PTCHD4: variants seen among roughly 807,000 people sequenced by gnomAD.
PTCHD4 encodes the protein patched domain-containing protein 4.
In PTCHD4, 33 loss-of-function variants were observed where a neutral mutation model predicts 58.1. The ratio of observed to expected loss-of-function variants is 0.57; its 90% CI spans 0.43 to 0.76. The LOEUF (loss-of-function observed/expected upper bound fraction) is 0.76. Among genes scored for constraint, PTCHD4 ranks in the 30% least tolerant of loss-of-function variants. The probability of loss-of-function intolerance (pLI) is 0.00; values close to 1 mark genes in which losing one functional copy is unlikely to be tolerated. For missense variants in PTCHD4, 1,058 were observed against 1,027.1 expected, an observed-to-expected ratio of 1.03 and a Z score of -0.41; for synonymous variants, 478 against 409.6, an observed-to-expected ratio of 1.17 and a Z score of -2.02.
intron 4 of PTCHD4, among the ~76,000 whole-genome samples, chr6:47,941,939 T>C (rs757888912): frequency 1.3e-5 from 2 of 152,226 alleles, no homozygotes; most frequent in Non-Finnish European, 2.9e-5. Flanking sequence ...GCTTCAAGCA[T>C]TACTAGAATG....
intron 4 of PTCHD4, among the ~76,000 whole-genome samples, chr6:47,980,958 C>T (rs903662085): frequency 2.0e-5 from 3 of 151,864 alleles, no homozygotes; most frequent in African/African-American, 7.3e-5. Flanking sequence ...ATGTTTACTC[C>T]ATTGGAGTTT....
chr6:47,861,039 A>T lies in PTCHD4; in HGVS notation c.*17264T>A, dbSNP rs2114057547. Among the ~76,000 whole-genome samples, 1 of 152,060 alleles carries T rather than the reference A, an allele frequency of 6.6e-6. No homozygotes were observed. The highest frequency in any genetic ancestry group is 2.1e-4 in the South Asian group (1 of 4,822). ...CCTCTCTAATCATTATTTTAGTGGA[A>T]CATTTCAATCGCAGTCTAATTATTG... On this transcript the variant is annotated 3_prime_UTR_variant, in exon 5 of 5. Coordinates refer to ENST00000339488, the MANE Select transcript of PTCHD4 (RefSeq NM_001384253.1).
At chr6:47,959,178 A>G (rs113462221) in intron 4 of PTCHD4, among the ~76,000 whole-genome samples, 20 of 152,348 alleles carry the variant, frequency 1.3e-4, no homozygotes, top group African/African-American at 4.6e-4. Context: ...TAAGGACATT[A>G]ACCAGTTATT....
rs933887754 is a variant in PTCHD4, at chr6:47,859,813, TGAGG to T, written c.*18486_*18489del. ...TATTTAAGAAGAAACCAAAAAGATG[TGAGG>T]GAGGAAGATCTGTGGCTAACTGGGG... On this transcript the variant is annotated 3_prime_UTR_variant, in exon 5 of 5. Coordinates refer to ENST00000339488, the MANE Select transcript of PTCHD4 (RefSeq NM_001384253.1). Among the ~76,000 whole-genome samples, 1 of 151,912 alleles carries T rather than the reference TGAGG, an allele frequency of 6.6e-6. No individual in the cohort carries two copies. Among genetic ancestry groups the T allele is most frequent in the African/African-American group, 2.4e-5 (1 of 41,392 alleles).
chr6:47,958,545 C>A (rs1766957523), intron 4 of PTCHD4, among the ~76,000 whole-genome samples: 1 of 152,280 alleles, frequency 6.6e-6, no homozygotes, highest in East Asian at 1.9e-4. Flanking sequence ...GAACACTGGG[C>A]AGCACCTGGT....
intron 3 of PTCHD4, among the ~76,000 whole-genome samples, chr6:48,039,153 C>T (rs1211571750): frequency 6.6e-6 from 1 of 151,962 alleles, no homozygotes; most frequent in South Asian, 2.1e-4. Context: ...ATGCAAATGC[C>T]CATGAACTTT....
intron 4 of PTCHD4, among the ~76,000 whole-genome samples, chr6:47,974,029 C>T (rs183365867): frequency 2.1e-4 from 32 of 152,138 alleles, no homozygotes; most frequent in African/African-American, 7.5e-4. Context: ...GAGTAGGTGA[C>T]GACGGGCAAT....
At chr6:47,917,597 A>C (rs1369683699) in intron 4 of PTCHD4, among the ~76,000 whole-genome samples, 3 of 152,164 alleles carry the variant, frequency 2.0e-5, no homozygotes, top group Non-Finnish European at 4.4e-5. Flanking sequence ...TCTACTATGC[A>C]TATACTTTTA....
intron 1 of PTCHD4, among the ~76,000 whole-genome samples, chr6:48,105,241 T>C (rs138110696): frequency 2.2e-3 from 340 of 151,918 alleles, no homozygotes; most frequent in African/African-American, 6.8e-3. Context: ...TCAGAAATTA[T>C]GACAAACTGT....
chr6:48,096,019 A>T (rs1765463966), intron 1 of PTCHD4, among the ~76,000 whole-genome samples: 1 of 152,214 alleles, frequency 6.6e-6, no homozygotes, highest in Non-Finnish European at 1.5e-5. Flanking sequence ...GGCTATGGGG[A>T]AGCAATGATG....
intron 4 of PTCHD4, among the ~76,000 whole-genome samples, chr6:47,931,939 G>A (rs1423303492): frequency 1.3e-5 from 2 of 152,104 alleles, no homozygotes; most frequent in East Asian, 1.9e-4. Flanking sequence ...GTGACCCAAG[G>A]ACTAAAGGGC....
In PTCHD4 at chr6:48,069,552, T is replaced by G. The variant is rs1200078216; in HGVS notation, c.-595A>C. Among the ~76,000 whole-genome samples the G allele has an allele frequency of 6.6e-6, 1 of 152,222 alleles. No individual in the cohort carries two copies. The highest frequency in any genetic ancestry group is 2.4e-5 in the African/African-American group (1 of 41,470). Reference sequence around the variant, plus strand: ...GCTGTGATTCCACAGACCAGTCCGCTGCAGCTGAGGGCTGCGGAGACTCCA... The same window carrying G: ...GCTGTGATTCCACAGACCAGTCCGCGGCAGCTGAGGGCTGCGGAGACTCCA... On this transcript the variant is annotated 5_prime_UTR_variant, in exon 2 of 5. Transcript: ENST00000339488.
intron 1 of PTCHD4, among the ~76,000 whole-genome samples, chr6:48,073,438 C>T (rs2113886369): frequency 6.6e-6 from 1 of 152,350 alleles, no homozygotes; most frequent in Middle Eastern, 3.4e-3. Flanking sequence ...CATTTATTCA[C>T]TTGCTCAATT....
chr6:48,060,039 G>C lies in PTCHD4; in HGVS notation c.417+8191C>G, dbSNP rs77272388. 2.0e-4 allele frequency among the ~76,000 whole-genome samples: 30 copies of C among 152,328 alleles called. No individual in the cohort carries two copies. The East Asian group carries it at 5.6e-3, about 28-fold the overall frequency. On this transcript the variant is annotated intron_variant, in intron 3 of 4. Coordinates refer to ENST00000339488, the MANE Select transcript of PTCHD4 (RefSeq NM_001384253.1). ...ATTATGAATTTATCTATGTGATTGT[G>C]TGTGTGTGTGCTTTCTTTAACAAGA...
intron 3 of PTCHD4, among the ~76,000 whole-genome samples, chr6:48,042,220 C>T (rs1309557865): frequency 6.6e-6 from 1 of 151,974 alleles, no homozygotes; most frequent in Non-Finnish European, 1.5e-5. Context: ...TCACCACTCA[C>T]GTTGAGCAAT....
intron 4 of PTCHD4, among the ~76,000 whole-genome samples, chr6:47,966,161 T>C (rs773997134): frequency 6.6e-5 from 10 of 152,196 alleles, no homozygotes; most frequent in Non-Finnish European, 1.3e-4. Context: ...GAAAGATTCA[T>C]TTGGTCATAC....
rs1367939518 is a variant in PTCHD4, at chr6:47,875,124, G to A, written c.*3179C>T. Among the ~76,000 whole-genome samples, 1 of 151,856 alleles carries A rather than the reference G, an allele frequency of 6.6e-6. No individual in the cohort carries two copies. Among genetic ancestry groups the A allele is most frequent in the Non-Finnish European group, 1.5e-5 (1 of 67,882 alleles). ...AACCTCTTACTTTAAGGGCATATAT[G>A]TTTCAATTAAATAAAATATTACACA... On this transcript the variant is annotated 3_prime_UTR_variant, in exon 5 of 5. Transcript: ENST00000339488.
At chr6:47,944,307 C>A (rs1766339884) in intron 4 of PTCHD4, among the ~76,000 whole-genome samples, 1 of 152,014 alleles carries the variant, frequency 6.6e-6, no homozygotes, top group Non-Finnish European at 1.5e-5. Context: ...AACCCCTAAA[C>A]AATAACAAAT....
chr6:48,079,280 T>C (rs966570620), intron 1 of PTCHD4, among the ~76,000 whole-genome samples: 3 of 152,166 alleles, frequency 2.0e-5, no homozygotes, highest in Non-Finnish European at 2.9e-5. Flanking sequence ...TGCATAGTCG[T>C]AACCATGAAA....
Sources: gnomAD v4.1 joint callset for allele counts (sites outside exome capture counted in the v4.1 genomes callset) on GRCh38, gnomAD v4.1.1 for gene constraint, MANE v1.5 for transcripts, NCBI Gene and HGNC (gene_info 2026-07-23, HGNC 2026-07-21) for gene names.